ADAMTS5: variants seen among roughly 807,000 people sequenced by gnomAD.
ADAMTS5 encodes the protein A disintegrin and metalloproteinase with thrombospondin motifs 5.
Under a neutral mutation model 81.4 loss-of-function variants are expected in ADAMTS5, and 54 were observed. The observed-to-expected ratio is 0.66, with a 90% CI of 0.53 to 0.83. The LOEUF is 0.83. ADAMTS5 is among the 40% of genes least tolerant of loss of function. The pLI is 0.00. For synonymous variants in ADAMTS5, 532 were observed against 508.8 expected (o/e 1.05, Z -0.61); for missense variants, 1,194 against 1,229.9 (o/e 0.97, Z 0.44).
chr21:26,943,495 A>G lies in ADAMTS5; in HGVS notation c.1290T>C (p.Phe430=). The part of the protein sequence containing the change: ...HDDSKFCEET[F]GSTEDKRLMS... ...TTAAGCGCTTATCTTCTGTGGAACC[A>G]AAGGTCTCTTCACAGAATTTGGAAT... is the stretch of plus-strand genomic sequence containing the variant. Residue 430 remains phenylalanine (F), a synonymous_variant, in exon 3 of 8, where the codon TTT becomes TTC. Coordinates refer to ENST00000284987, the MANE Select transcript of ADAMTS5 (RefSeq NM_007038.5). 6.2e-7 allele frequency: 1 copy of G among 1,613,768 alleles called. No individual in the cohort carries two copies. Among genetic ancestry groups the G allele is most frequent in the Non-Finnish European group, 8.5e-7 (1 of 1,179,756 alleles).
At chr21:26,949,210 G>GAT (rs1359037167) in intron 2 of ADAMTS5, among the ~76,000 whole-genome samples, 2 of 150,884 alleles carry the variant, frequency 1.3e-5, no homozygotes, top group Non-Finnish European at 3.0e-5. Flanking sequence ...GAGAGAGAGA[G>GAT]AGAGAGAGAG....
rs768917351 is a variant in ADAMTS5, at chr21:26,932,068, G to A, written c.1985C>T (p.Ala662Val). The A allele has an allele frequency of 2.3e-5, 37 of 1,613,996 alleles. No individual in the cohort carries two copies. Among genetic ancestry groups the A allele is most frequent in the South Asian group, 4.4e-5 (4 of 91,070 alleles). ...WVPKYAGVLP[A>V]DVCKLTCRAK... ...TCTGCAGGTCAGCTTGCACACATCCGCTGGCAGGACACCTGCATATTTGGG... is the reference window on the plus strand; with the variant it reads ...TCTGCAGGTCAGCTTGCACACATCCACTGGCAGGACACCTGCATATTTGGG... Residue 662 changes from alanine to valine, a missense_variant, in exon 6 of 8, where the codon GCG becomes GTG. This residue lies in a region of ADAMTS5 where 696 missense variants were observed against 817.6 expected (regional missense o/e 0.85). Coordinates refer to ENST00000284987, the MANE Select transcript of ADAMTS5 (RefSeq NM_007038.5).
chr21:26,956,330 C>A (rs1342465856), intron 1 of ADAMTS5, among the ~76,000 whole-genome samples: 1 of 152,158 alleles, frequency 6.6e-6, no homozygotes, highest in Non-Finnish European at 1.5e-5. Flanking sequence ...TACAGTGTGG[C>A]CACCAAGTTA....
rs549490533 is a variant in ADAMTS5 at position 26,930,867 on chromosome 21, C to T, written c.2050-806G>A. Among the ~76,000 whole-genome samples the T allele has an allele frequency of 2.0e-5, 3 of 152,142 alleles. No individual in the cohort carries two copies. In the South Asian group the frequency reaches 6.2e-4, roughly 32 times the overall value. On this transcript the variant is annotated intron_variant, in intron 6 of 7. Coordinates refer to ENST00000284987, the MANE Select transcript of ADAMTS5 (RefSeq NM_007038.5). Reference sequence around the variant, plus strand: ...TGAGTTGAAGTAGAATATACTTTATCAGGTTAATAGCTCTGTAGATGGTGG... The same window carrying T: ...TGAGTTGAAGTAGAATATACTTTATTAGGTTAATAGCTCTGTAGATGGTGG...
chr21:26,965,171 G>T (rs1013047924), intron 1 of ADAMTS5, 117 bp downstream of exon 1: 2 of 1,416,552 alleles, frequency 1.4e-6, no homozygotes, highest in African/African-American at 2.9e-5. Flanking sequence ...GCAAGAAGCA[G>T]TTAAACACAT....
At chr21:26,964,395 T>A (rs973117691) in intron 1 of ADAMTS5, among the ~76,000 whole-genome samples, 1 of 152,206 alleles carries the variant, frequency 6.6e-6, no homozygotes, top group Non-Finnish European at 1.5e-5. Context: ...ATCCATTTCT[T>A]TGCTTCCCCA....
chr21:26,955,508 C>A (rs754037284), intron 1 of ADAMTS5, among the ~76,000 whole-genome samples: 4 of 152,068 alleles, frequency 2.6e-5, no homozygotes, highest in Non-Finnish European at 5.9e-5. Flanking sequence ...ATTGTGTATA[C>A]ATGAATATAT....
intron 3 of ADAMTS5, among the ~76,000 whole-genome samples, chr21:26,937,807 C>A (rs1987041381): frequency 6.6e-6 from 1 of 152,154 alleles, no homozygotes; most frequent in African/African-American, 2.4e-5. Flanking sequence ...TATTCTCAAC[C>A]ACTTCTTCAC....
At position 26,923,947 on chromosome 21, in the gene ADAMTS5, T is replaced by C. The variant is rs866362629; in HGVS notation, c.*106A>G. ...CATAATTGGACTCCTGTTGACAATGTCACTGAAGCATGACTTTCTGTGCGT... is the reference window on the plus strand; with the variant it reads ...CATAATTGGACTCCTGTTGACAATGCCACTGAAGCATGACTTTCTGTGCGT... On this transcript the variant is annotated 3_prime_UTR_variant, in exon 8 of 8. Coordinates refer to ENST00000284987, the MANE Select transcript of ADAMTS5 (RefSeq NM_007038.5). 3 of 1,203,390 alleles carry C rather than the reference T, an allele frequency of 2.5e-6. No homozygotes were observed. Among genetic ancestry groups the C allele is most frequent in the Middle Eastern group, 2.0e-4 (1 of 4,906 alleles). 74.5% of individuals were successfully genotyped at this position (1,203,390 alleles called of 1,614,324 possible). A position where few individuals can be genotyped will look rare whatever the true frequency, so the allele number is the denominator to read the frequency against.
intron 1 of ADAMTS5, among the ~76,000 whole-genome samples, chr21:26,955,487 G>A (rs902780569): frequency 6.6e-6 from 1 of 152,026 alleles, no homozygotes; most frequent in African/African-American, 2.4e-5. Flanking sequence ...GAAAATATAT[G>A]TCATATATTA....
chr21:26,932,158 T>C lies in ADAMTS5; in HGVS notation c.1895A>G (p.Gln632Arg), dbSNP rs765588325. The C allele has an allele frequency of 1.2e-6, 2 of 1,613,730 alleles. No individual in the cohort carries two copies. Among genetic ancestry groups the C allele is most frequent in the Non-Finnish European group, 1.7e-6 (2 of 1,179,854 alleles). The change falls in exon 6 of 8, where the codon CAG becomes CGG. Residue 632 changes from glutamine (Q) to arginine (R), a missense_variant. Gln to Arg is a conservative substitution (Grantham distance 43). Coordinates refer to ENST00000284987, the MANE Select transcript of ADAMTS5 (RefSeq NM_007038.5). Reference protein sequence around the residue: ...PPNGKSFRHEQCEAKNGYQSD... With the variant: ...PPNGKSFRHERCEAKNGYQSD... ...CTGATAGCCATTTTTGGCCTCACAC[T>C]GTTCATGACGAAATGATTTACCTAG...
Position 26,965,733 on chromosome 21 carries a change from T to C in ADAMTS5, c.659A>G (p.Glu220Gly). 6.3e-7 allele frequency: 1 copy of C among 1,592,998 alleles called. No individual in the cohort carries two copies. The highest frequency in any genetic ancestry group is 8.5e-7 in the Non-Finnish European group (1 of 1,170,926). ...CGGGTTGCTGTGCGCCGGAGCATGC[T>C]CGTGGGCCTCCGGTGTGGACGCGGG... ...ETPASTPEAH[E>G]HAPAHSNPSG... Residue 220 changes from glutamate (E) to glycine (G), a missense_variant, in exon 1 of 8, where the codon GAG (glutamate) becomes GGG (glycine). This residue lies in a region of ADAMTS5 where 498 missense variants were observed against 412.3 expected (regional missense o/e 1.21). Coordinates refer to ENST00000284987, the MANE Select transcript of ADAMTS5 (RefSeq NM_007038.5).
Position 26,922,865 on chromosome 21 carries a change from C to T in ADAMTS5, c.*1188G>A, listed in dbSNP as rs549039031. ...TGGAAACAGTCTTATTAATATTAAC[C>T]ACTTTTTGGCATTAACCACATTAAC... On this transcript the variant is annotated 3_prime_UTR_variant, in exon 8 of 8. Coordinates refer to ENST00000284987, the MANE Select transcript of ADAMTS5 (RefSeq NM_007038.5). 4 of 152,548 alleles carry T rather than the reference C, an allele frequency of 2.6e-5. No homozygotes were observed. Among genetic ancestry groups the T allele is most frequent in the South Asian group, 4.1e-4 (2 of 4,828 alleles). The allele number at this position is 152,548 out of a possible 1,614,324, so 9.4% of individuals were successfully genotyped here. A position where few individuals can be genotyped will look rare whatever the true frequency, so the allele number is the denominator to read the frequency against.
chr21:26,940,824 G>A (rs2123183583), intron 3 of ADAMTS5, among the ~76,000 whole-genome samples: 1 of 152,212 alleles, frequency 6.6e-6, no homozygotes, highest in Middle Eastern at 3.4e-3. Context: ...CTCTGTAGTT[G>A]AAATGTTAGC....
chr21:26,965,170 A>T, intron 1 of ADAMTS5, 118 bp downstream of exon 1: 4 of 1,392,444 alleles, frequency 2.9e-6, no homozygotes, highest in Non-Finnish European at 3.9e-6. Context: ...TGCAAGAAGC[A>T]GTTAAACACA....
At chr21:26,944,235 A>G (rs1313390611) in intron 2 of ADAMTS5, among the ~76,000 whole-genome samples, 1 of 152,198 alleles carries the variant, frequency 6.6e-6, no homozygotes, top group African/African-American at 2.4e-5. Flanking sequence ...TTGAAAACAT[A>G]CCCATTTACA....
chr21:26,953,137 T>C (rs1987353843), intron 2 of ADAMTS5, among the ~76,000 whole-genome samples: 1 of 152,188 alleles, frequency 6.6e-6, no homozygotes, highest in African/African-American at 2.4e-5. Context: ...GTTCTTCTAG[T>C]GCAGCTGAGA....
chr21:26,954,484 A>G (rs1024688431), intron 2 of ADAMTS5, among the ~76,000 whole-genome samples: 2 of 152,174 alleles, frequency 1.3e-5, no homozygotes, highest in African/African-American at 4.8e-5. Flanking sequence ...AGATAGTAAG[A>G]AGGCAGTAGC....
At chr21:26,927,685 TC>T (rs1280173248) in intron 7 of ADAMTS5, among the ~76,000 whole-genome samples, 1 of 152,118 alleles carries the variant, frequency 6.6e-6, no homozygotes, top group Non-Finnish European at 1.5e-5. Flanking sequence ...AGGCTACTGA[TC>T]AAAGGAATGC....
Sources: allele counts gnomAD v4.1 joint callset (sites outside exome capture counted in the v4.1 genomes callset), GRCh38; gene constraint gnomAD v4.1.1; regional missense constraint gnomAD v4.1.1; transcripts MANE v1.5; gene names NCBI Gene and HGNC (gene_info 2026-07-23, HGNC 2026-07-21).